The following TRPM3 variants were observed in gnomAD, a reference collection of about 807,000 sequenced individuals.
TRPM3 encodes the protein transient receptor potential cation channel subfamily M member 3.
TRPM3 carries 77 observed loss-of-function variants against 181.2 expected under a neutral mutation model. The observed-to-expected ratio is 0.42, with a 90% CI of 0.35 to 0.51. TRPM3 has a LOEUF of 0.51. Among genes scored for constraint, TRPM3 ranks in the 20% least tolerant of loss-of-function variants. TRPM3 has a pLI of 0.01. For missense variants in TRPM3, 1,759 were observed against 2,196.7 expected (o/e 0.80, Z 3.98); for synonymous variants, 745 against 796.4 (o/e 0.94, Z 1.09).
At chr9:71,195,368 C>T (rs749478943) in intron 1 of TRPM3, among the ~76,000 whole-genome samples, 6 of 151,820 alleles carry the variant, frequency 4.0e-5, no homozygotes, top group Non-Finnish European at 5.9e-5. Flanking sequence ...CACATACATG[C>T]GGCCAACAAG....
At chr9:70,864,778 C>G (rs942300126) in intron 1 of TRPM3, among the ~76,000 whole-genome samples, 24 of 152,036 alleles carry the variant, frequency 1.6e-4, no homozygotes, top group African/African-American at 5.3e-4. Context: ...GTGATGGAAT[C>G]ATGTACAAAT....
At chr9:71,342,369 A>T (rs922661059) in intron 1 of TRPM3, among the ~76,000 whole-genome samples, 2 of 150,824 alleles carry the variant, frequency 1.3e-5, no homozygotes, top group Non-Finnish European at 3.0e-5. Flanking sequence ...AGCATTGAAA[A>T]CTATGAATAT....
chr9:71,095,733 T>C (rs1591375612), intron 1 of TRPM3, among the ~76,000 whole-genome samples: 1 of 123,226 alleles, frequency 8.1e-6, no homozygotes, highest in Non-Finnish European at 1.6e-5. Context: ...CACTCCAGCC[T>C]GGGCAGCAGA....
Position 70,535,341 on chromosome 9 carries a change from T to C in TRPM3, c.*612A>G. ...TAAGAGACAGGTGAACTATGACTGTTACCTTGTTTTTTCTTTATAATGATC... is the reference window on the plus strand; with the variant it reads ...TAAGAGACAGGTGAACTATGACTGTCACCTTGTTTTTTCTTTATAATGATC... On this transcript the variant is annotated 3_prime_UTR_variant, in exon 26 of 26. Coordinates refer to ENST00000677713, the MANE Select transcript of TRPM3 (RefSeq NM_001366145.2). 16 of 1,426,822 alleles carry C rather than the reference T, an allele frequency of 1.1e-5. No individual in the cohort carries two copies. The highest frequency in any genetic ancestry group is 1.5e-5 in the Non-Finnish European group (16 of 1,036,862). 88.4% of individuals were successfully genotyped at this position (1,426,822 alleles called of 1,614,324 possible).
At chr9:71,153,115 C>G (rs902553342) in intron 1 of TRPM3, among the ~76,000 whole-genome samples, 1 of 152,110 alleles carries the variant, frequency 6.6e-6, no homozygotes, top group South Asian at 2.1e-4. Context: ...ATACTGAGCC[C>G]AGGGAAAGCA....
chr9:70,743,354 C>T (rs935562737), intron 8 of TRPM3, among the ~76,000 whole-genome samples: 5 of 152,024 alleles, frequency 3.3e-5, no homozygotes, highest in Admixed American at 6.6e-5. Flanking sequence ...CAAATTAATT[C>T]CCCTTTGAAA....
At chr9:71,412,045 A>C (rs928866997) in intron 1 of TRPM3, among the ~76,000 whole-genome samples, 7 of 152,238 alleles carry the variant, frequency 4.6e-5, no homozygotes, top group African/African-American at 1.7e-4. Flanking sequence ...GGCTAGCCAT[A>C]TGTAGAAAGC....
intron 1 of TRPM3, among the ~76,000 whole-genome samples, chr9:71,366,709 A>G (rs552726262): frequency 2.0e-4 from 30 of 152,288 alleles, no homozygotes; most frequent in Admixed American, 2.6e-4. Context: ...ATTTATATAC[A>G]TATTTTTTAT....
chr9:71,228,799 T>C (rs1391207137), intron 1 of TRPM3, among the ~76,000 whole-genome samples: 3 of 152,150 alleles, frequency 2.0e-5, no homozygotes, highest in South Asian at 4.1e-4. Flanking sequence ...GTAAAACATT[T>C]GGTGAAAGAA....
At chr9:70,643,939 T>C (rs754121893) in intron 9 of TRPM3, among the ~76,000 whole-genome samples, 1 of 152,218 alleles carries the variant, frequency 6.6e-6, no homozygotes, top group Non-Finnish European at 1.5e-5. Flanking sequence ...CCTCCTTATA[T>C]GGGAGGCAGT....
intron 1 of TRPM3, among the ~76,000 whole-genome samples, chr9:71,039,651 C>A (rs73647936): frequency 6.6e-6 from 1 of 152,102 alleles, no homozygotes; most frequent in Non-Finnish European, 1.5e-5. Context: ...TAGACATAAA[C>A]AGGTCCCAAT....
At chr9:70,937,397 G>C (rs1295899635) in intron 1 of TRPM3, among the ~76,000 whole-genome samples, 1 of 152,098 alleles carries the variant, frequency 6.6e-6, no homozygotes, top group Non-Finnish European at 1.5e-5. Context: ...GTCTTTTCAA[G>C]TTCTGAACTG....
At chr9:71,316,167 A>C (rs916036890) in intron 1 of TRPM3, among the ~76,000 whole-genome samples, 8 of 152,224 alleles carry the variant, frequency 5.3e-5, no homozygotes, top group African/African-American at 1.9e-4. Flanking sequence ...GGATTGCTCT[A>C]TGTGCAAAGT....
chr9:71,333,967 G>T (rs1253764274), intron 1 of TRPM3, among the ~76,000 whole-genome samples: 1 of 151,830 alleles, frequency 6.6e-6, no homozygotes, highest in East Asian at 1.9e-4. Flanking sequence ...GAATTGCAAA[G>T]CTCCAATTTT....
rs1044555144 is a variant in TRPM3, at chr9:71,399,614, C to T, written c.183+47039G>A. On this transcript the variant is annotated intron_variant, in intron 1 of 24. Coordinates refer to the TRPM3 transcript ENST00000357533. Reference sequence around the variant, plus strand: ...TATGATCTTGGCTCACTGCAAGCTCCACCTCCTGGGTTCACACCATTATCC... The same window carrying T: ...TATGATCTTGGCTCACTGCAAGCTCTACCTCCTGGGTTCACACCATTATCC... 4.1e-5 allele frequency among the ~76,000 whole-genome samples: 6 copies of T among 147,618 alleles called. 1 individual carries two copies. In the East Asian group the frequency reaches 1.2e-3, roughly 30 times the overall value.
intron 1 of TRPM3, among the ~76,000 whole-genome samples, chr9:70,965,444 A>G (rs1443759590): frequency 6.6e-6 from 1 of 152,110 alleles, no homozygotes; most frequent in East Asian, 1.9e-4. Flanking sequence ...ATTTTATAAC[A>G]ATCAAGTGAC....
At chr9:70,843,342 A>G (rs1366759171) in intron 4 of TRPM3, among the ~76,000 whole-genome samples, 1 of 152,208 alleles carries the variant, frequency 6.6e-6, no homozygotes, top group Admixed American at 6.5e-5. Context: ...GAATTCTAGC[A>G]TTGCATTTCT....
intron 1 of TRPM3, among the ~76,000 whole-genome samples, chr9:71,055,940 T>A (rs542924108): frequency 6.6e-6 from 1 of 151,974 alleles, no homozygotes; most frequent in Non-Finnish European, 1.5e-5. Flanking sequence ...AATAACCTAA[T>A]AGCTTTACCT....
intron 22 of TRPM3, among the ~76,000 whole-genome samples, chr9:70,566,613 G>T (rs1203765940): frequency 6.6e-6 from 1 of 152,116 alleles, no homozygotes; most frequent in Non-Finnish European, 1.5e-5. Context: ...CTGGCCTGAT[G>T]GTTTCTTATC....
Sources: allele counts gnomAD v4.1 joint callset (sites outside exome capture counted in the v4.1 genomes callset), GRCh38; gene constraint gnomAD v4.1.1; transcripts MANE v1.5; gene names NCBI Gene and HGNC (gene_info 2026-07-23, HGNC 2026-07-21).